The following MRAP2 variants were observed in gnomAD, a reference collection of about 807,000 sequenced individuals.
MRAP2 encodes melanocortin 2 receptor accessory protein 2, also known as melanocortin-2 receptor accessory protein 2.
In MRAP2, 20 loss-of-function variants were observed where a neutral mutation model predicts 17.4. The ratio of observed to expected loss-of-function variants is 1.15; its 90% CI spans 0.81 to 1.67. The LOEUF (loss-of-function observed/expected upper bound fraction) is 1.67. Among genes scored for constraint, MRAP2 ranks in the 40% most tolerant of loss-of-function variants. The pLI is 0.00. For synonymous variants in MRAP2, 96 were observed against 88.4 expected (o/e 1.09, Z -0.48); for missense variants, 238 against 240.0 (o/e 0.99, Z 0.05).
chr6:84,044,272 C>T lies in MRAP2; in HGVS notation c.-8+10389C>T, dbSNP rs191039030. 8.2e-3 allele frequency among the ~76,000 whole-genome samples: 1,246 copies of T among 152,280 alleles called. 17 individuals are homozygous for T. The highest frequency in any genetic ancestry group is 0.012 in the Non-Finnish European group (829 of 68,016). ...CATGATCTCAGCTCACCGCCACCTC[C>T]GCCTCCCAGGTTCAAGTGATTCTCC... On this transcript the variant is annotated intron_variant, in intron 1 of 3. Transcript: ENST00000257776.
chr6:84,126,628 T>C, the MRAP2 span: 13 of 657,182 alleles, frequency 2.0e-5, no homozygotes, highest in Middle Eastern at 4.4e-4. Flanking sequence ...GCACCTTGGA[T>C]TGTTAGAGTA....
the MRAP2 span, among the ~76,000 whole-genome samples, chr6:84,123,559 C>A: frequency 6.6e-6 from 1 of 152,040 alleles, no homozygotes; most frequent in East Asian, 1.9e-4. Flanking sequence ...TACCTCTCAT[C>A]ATATACAAAA....
chr6:84,111,837 C>T, the MRAP2 span, among the ~76,000 whole-genome samples: 2 of 152,092 alleles, frequency 1.3e-5, no homozygotes, highest in Admixed American at 6.6e-5. Flanking sequence ...TTGTCGAAGG[C>T]CTTTTCTGCA....
chr6:84,145,307 A>G, the MRAP2 span, among the ~76,000 whole-genome samples: 1 of 152,140 alleles, frequency 6.6e-6, no homozygotes, highest in Non-Finnish European at 1.5e-5. Context: ...GGAGATGCCA[A>G]TAAAGGGCCA....
At chr6:84,036,541 G>A (rs956980193) in intron 1 of MRAP2, among the ~76,000 whole-genome samples, 1 of 152,102 alleles carries the variant, frequency 6.6e-6, no homozygotes, top group Non-Finnish European at 1.5e-5. Context: ...CTGGCTTCAG[G>A]AGTGAAGCTG....
chr6:84,132,192 A>G, the MRAP2 span, among the ~76,000 whole-genome samples: 1 of 152,176 alleles, frequency 6.6e-6, no homozygotes, highest in Non-Finnish European at 1.5e-5. Context: ...TGGCTTGTAG[A>G]GTTTCTGCTG....
chr6:84,040,371 A>G (rs1046876641), intron 1 of MRAP2, among the ~76,000 whole-genome samples: 1 of 152,176 alleles, frequency 6.6e-6, no homozygotes, highest in African/African-American at 2.4e-5. Context: ...ATGGACTAAC[A>G]CCATAAATTG....
At chr6:84,078,390 G>A (rs1454992554) in intron 3 of MRAP2, among the ~76,000 whole-genome samples, 2 of 152,168 alleles carry the variant, frequency 1.3e-5, no homozygotes, top group Non-Finnish European at 2.9e-5. Flanking sequence ...ATGCTTAGAT[G>A]TTATTACACA....
intron 3 of MRAP2, among the ~76,000 whole-genome samples, chr6:84,082,635 G>A (rs12204547): frequency 6.6e-6 from 1 of 152,102 alleles, no homozygotes; most frequent in Non-Finnish European, 1.5e-5. Context: ...GTAGAGAAGG[G>A]CTTTTGCCAT....
intron 2 of MRAP2, chr6:84,061,949 G>A: frequency 1.0e-6 from 1 of 985,424 alleles, no homozygotes; most frequent in Non-Finnish European, 1.2e-6. Flanking sequence ...TGTGATTAAA[G>A]CAGGTTTGTA....
intron 3 of MRAP2, among the ~76,000 whole-genome samples, chr6:84,070,731 T>C (rs762172254): frequency 2.0e-5 from 3 of 152,192 alleles, no homozygotes; most frequent in Non-Finnish European, 2.9e-5. Context: ...AATTGTTTTA[T>C]AAATTTGGGA....
intron 1 of MRAP2, among the ~76,000 whole-genome samples, chr6:84,038,465 T>G (rs1044445564): frequency 5.3e-5 from 8 of 151,948 alleles, no homozygotes; most frequent in African/African-American, 1.9e-4. Flanking sequence ...ATTTTAATTC[T>G]TTTAGGTTTT....
At chr6:84,130,962 A>G in the MRAP2 span, among the ~76,000 whole-genome samples, 51 of 152,216 alleles carry the variant, frequency 3.4e-4, no homozygotes, top group African/African-American at 1.2e-3. Flanking sequence ...TGTTGATTTT[A>G]GATCTTTCCT....
intron 1 of MRAP2, chr6:84,052,812 C>G: frequency 6.1e-6 from 6 of 985,142 alleles, no homozygotes; most frequent in Non-Finnish European, 6.0e-6. Flanking sequence ...ATTCTTGTCT[C>G]TCAGTGTTTG....
the MRAP2 span, among the ~76,000 whole-genome samples, chr6:84,144,873 T>A: frequency 6.6e-6 from 1 of 152,248 alleles, no homozygotes; most frequent in East Asian, 1.9e-4. Flanking sequence ...ATTGAAATAT[T>A]TATCTTTTTT....
intron 3 of MRAP2, among the ~76,000 whole-genome samples, chr6:84,064,049 A>C (rs1588640788): frequency 6.6e-6 from 1 of 151,860 alleles, no homozygotes; most frequent in Admixed American, 6.6e-5. Flanking sequence ...TGTCTAAAAA[A>C]AAGAAAAAGA....
chr6:84,141,965 G>A, the MRAP2 span, among the ~76,000 whole-genome samples: 133 of 152,196 alleles, frequency 8.7e-4, no homozygotes, highest in African/African-American at 2.7e-3. Context: ...GAAAACTTCC[G>A]TCCTTTCTCA....
chr6:84,094,451 C>T (rs575110047), downstream of MRAP2, among the ~76,000 whole-genome samples: 307 of 152,264 alleles, frequency 2.0e-3, no homozygotes, highest in African/African-American at 7.0e-3. Context: ...CAGGCCTCAT[C>T]TTTAACATTT....
At chr6:84,124,558 GA>G in the MRAP2 span, 2 of 163,458 alleles carry the variant, frequency 1.2e-5, no homozygotes, top group South Asian at 3.6e-4. Context: ...GGAGATAACA[GA>G]CACTGGGGAC....
Sources: gnomAD v4.1 joint callset for allele counts (sites outside exome capture counted in the v4.1 genomes callset) on GRCh38, gnomAD v4.1.1 for gene constraint, MANE v1.5 for transcripts, NCBI Gene and HGNC (gene_info 2026-07-23, HGNC 2026-07-21) for gene names.